CPXM2: variants seen among roughly 807,000 people sequenced by gnomAD.
The protein encoded by CPXM2 is inactive carboxypeptidase-like protein X2.
Under a neutral mutation model 86.1 loss-of-function variants are expected in CPXM2, and 66 were observed. That is an observed-to-expected ratio of 0.77 (90% CI 0.63 to 0.94). The LOEUF is 0.94. Among genes scored for constraint, CPXM2 ranks in the 40% least tolerant of loss-of-function variants. CPXM2 has a pLI of 0.00. For synonymous variants in CPXM2, 388 were observed against 400.2 expected (o/e 0.97, Z 0.36); for missense variants, 948 against 1,026.3 (o/e 0.92, Z 1.04).
At chr10:123,800,746 A>G (rs1847439465) in intron 4 of CPXM2, among the ~76,000 whole-genome samples, 1 of 151,256 alleles carries the variant, frequency 6.6e-6, no homozygotes, top group Middle Eastern at 3.2e-3. Context: ...GGGCAGGGAA[A>G]AAAAGGAAAT....
chr10:123,880,145 T>TTGGGGGCCCCCCCC, intron 2 of CPXM2, 66 bp downstream of exon 2: 8 of 407,576 alleles, frequency 2.0e-5, no homozygotes, highest in Non-Finnish European at 2.4e-5. Context: ...CAGGGGCCTG[T>TTGGGGGCCCCCCCC]ACCCACCCAC....
intron 2 of CPXM2, among the ~76,000 whole-genome samples, chr10:123,899,951 T>G (rs1945367596): frequency 6.6e-6 from 1 of 152,184 alleles, no homozygotes; most frequent in East Asian, 1.9e-4. Context: ...GTTACTTATA[T>G]CAAGATAAAA....
At chr10:123,762,212 A>AT (rs753852331) in intron 10 of CPXM2, 43 bp from the exon 11 acceptor site, 12 of 1,612,982 alleles carry the variant, frequency 7.4e-6, no homozygotes, top group Non-Finnish European at 4.2e-6. Flanking sequence ...GCAGGAAGTC[A>AT]TTTTATCTCC....
At chr10:123,934,375 G>A (rs894307023) in intron 2 of CPXM2, among the ~76,000 whole-genome samples, 2 of 151,888 alleles carry the variant, frequency 1.3e-5, no homozygotes, top group East Asian at 3.9e-4. Flanking sequence ...GCTGGCTCCT[G>A]GTATCCCTTG....
intron 3 of CPXM2, among the ~76,000 whole-genome samples, chr10:123,862,395 G>T (rs1848869211): frequency 6.6e-6 from 1 of 152,212 alleles, no homozygotes; most frequent in South Asian, 2.1e-4. Flanking sequence ...TCCAGGTACT[G>T]GTGGTCTCAC....
intron 7 of CPXM2, among the ~76,000 whole-genome samples, chr10:123,771,736 C>G (rs1335962077): frequency 6.6e-6 from 1 of 152,138 alleles, no homozygotes; most frequent in Non-Finnish European, 1.5e-5. Flanking sequence ...ATGAAAGGGA[C>G]CGGGTGGGAG....
chr10:123,795,808 A>G (rs967065258), intron 6 of CPXM2, among the ~76,000 whole-genome samples: 3 of 152,214 alleles, frequency 2.0e-5, no homozygotes, highest in Non-Finnish European at 4.4e-5. Flanking sequence ...TGAGGGTTTA[A>G]AGGCCCTCCA....
intron 11 of CPXM2, 35 bp downstream of exon 11, chr10:123,761,837 G>A (rs200076195): frequency 1.1e-5 from 17 of 1,597,404 alleles, no homozygotes; most frequent in Middle Eastern, 2.0e-4. Context: ...GTCCTCCTGC[G>A]CCCGCAGCCC....
intron 7 of CPXM2, among the ~76,000 whole-genome samples, chr10:123,774,550 C>G (rs1019452601): frequency 3.3e-5 from 5 of 152,106 alleles, no homozygotes; most frequent in African/African-American, 1.2e-4. Context: ...TAATGAGCAT[C>G]AAGGAGCGTT....
chr10:123,908,274 C>A (rs936753782), intron 2 of CPXM2, among the ~76,000 whole-genome samples: 1 of 152,122 alleles, frequency 6.6e-6, no homozygotes, highest in Non-Finnish European at 1.5e-5. Flanking sequence ...GTGCAGGGGA[C>A]TTCTGCTGGA....
At chr10:123,798,202 A>G in intron 5 of CPXM2, 76 bp from the exon 6 acceptor site, 2 of 1,314,930 alleles carry the variant, frequency 1.5e-6, no homozygotes, top group Admixed American at 4.7e-5. Context: ...GAATTCACTC[A>G]TTCAACAAGA....
intron 4 of CPXM2, among the ~76,000 whole-genome samples, chr10:123,831,330 A>G (rs1303489023): frequency 6.6e-6 from 1 of 152,190 alleles, no homozygotes; most frequent in African/African-American, 2.4e-5. Flanking sequence ...ATCCTAAAGA[A>G]GAGAGAGAAG....
At chr10:123,916,764 TTCTC>T (rs151227779) in intron 2 of CPXM2, among the ~76,000 whole-genome samples, 21 of 138,216 alleles carry the variant, frequency 1.5e-4, no homozygotes, top group African/African-American at 3.8e-4. Context: ...TGCCATTTGA[TTCTC>T]TCTCTCTCTC....
At chr10:123,924,700 G>A (rs1055026655) in intron 2 of CPXM2, among the ~76,000 whole-genome samples, 1 of 152,166 alleles carries the variant, frequency 6.6e-6, no homozygotes, top group Non-Finnish European at 1.5e-5. Context: ...CAGAGTGGCG[G>A]TGGGTGAGCT....
intron 7 of CPXM2, among the ~76,000 whole-genome samples, chr10:123,773,681 A>T (rs890736231): frequency 1.1e-4 from 16 of 152,234 alleles, no homozygotes; most frequent in Admixed American, 9.2e-4. Context: ...GACCCAGTTC[A>T]TTGCCACTAA....
At chr10:123,913,002 T>C (rs552632578) in intron 2 of CPXM2, among the ~76,000 whole-genome samples, 3 of 152,274 alleles carry the variant, frequency 2.0e-5, no homozygotes, top group Admixed American at 6.5e-5. Flanking sequence ...TGCTTAGCGA[T>C]GGAAATGGAT....
In CPXM2 at chr10:123,899,754, A is replaced by G. The variant is rs118167092; in HGVS notation, n.175-19445T>C. Among the ~76,000 whole-genome samples, 27 of 152,308 alleles carry G rather than the reference A, an allele frequency of 1.8e-4. No homozygotes were observed. The East Asian group carries it at 4.8e-3, about 27-fold the overall frequency. Reference sequence around the variant, plus strand: ...CTCATATGGAAAAAACTAAAACTGGATCCTTACCACACACGAAAGTGGACT... The same window carrying G: ...CTCATATGGAAAAAACTAAAACTGGGTCCTTACCACACACGAAAGTGGACT... On this transcript the variant is annotated intron_variant and non_coding_transcript_variant, in intron 2 of 19. Coordinates refer to the CPXM2 transcript ENST00000368854.
In CPXM2 at chr10:123,752,945, C is replaced by T. The variant is rs148753992; in HGVS notation, c.2017+1718G>A. Among the ~76,000 whole-genome samples the T allele has an allele frequency of 7.5e-3, 1,139 of 152,286 alleles. 15 individuals carry two copies. The highest frequency in any genetic ancestry group is 0.026 in the African/African-American group (1,085 of 41,550). ...AGAAACAAATCATGAGCAGAGTACA[C>T]ATGAGCCTCTTACGTGGTGTGTTAG... On this transcript the variant is annotated intron_variant, in intron 13 of 13. Coordinates refer to ENST00000241305, the MANE Select transcript of CPXM2 (RefSeq NM_198148.3).
intron 2 of CPXM2, among the ~76,000 whole-genome samples, chr10:123,901,815 C>T (rs1914542): frequency 0.75 from 113,827 of 152,050 alleles, 43,853 homozygotes; most frequent in African/African-American, 0.93. Flanking sequence ...CAATCAGAGA[C>T]CAGCTGTATC....
Sources: allele counts gnomAD v4.1 joint callset (sites outside exome capture counted in the v4.1 genomes callset), GRCh38; gene constraint gnomAD v4.1.1; transcripts MANE v1.5; gene names NCBI Gene and HGNC (gene_info 2026-07-23, HGNC 2026-07-21).